MYO5A: variants seen among roughly 807,000 people sequenced by gnomAD.
MYO5A encodes the protein unconventional myosin-Va.
In MYO5A, 98 loss-of-function variants were observed where a neutral mutation model predicts 249.7. That is an observed-to-expected ratio of 0.39 (90% CI 0.33 to 0.46). The LOEUF (loss-of-function observed/expected upper bound fraction) is 0.46. Among genes scored for constraint, MYO5A ranks in the 20% least tolerant of loss-of-function variants. The pLI, the probability that MYO5A is intolerant of heterozygous loss-of-function variation, is 0.98. For synonymous variants in MYO5A, 778 were observed against 810.6 expected (o/e 0.96, Z 0.68); for missense variants, 1,696 against 2,308.8 (o/e 0.73, Z 5.44).
In MYO5A at chr15:52,367,056, G is replaced by A. The variant is rs1466695272; in HGVS notation, c.3135C>T (p.Ile1045=). ...CTGTCATCTCCTTAGCCTGCTGCAC[G>A]ATGCGGTGATTGAGGGCTTCTTTTT... ...KQEKEALNHR[I]VQQAKEMTET... Residue 1045 remains isoleucine (I), a synonymous_variant, in exon 23 of 42, where the codon ATC becomes ATT. Coordinates refer to ENST00000399233, the MANE Select transcript of MYO5A (RefSeq NM_001382347.1). The A allele has an allele frequency of 3.7e-6, 6 of 1,613,688 alleles. No homozygotes were observed. The highest frequency in any genetic ancestry group is 5.1e-6 in the Non-Finnish European group (6 of 1,179,756).
intron 18 of MYO5A, among the ~76,000 whole-genome samples, chr15:52,377,462 A>G (rs2041478803): frequency 6.6e-6 from 1 of 152,086 alleles, no homozygotes; most frequent in African/African-American, 2.4e-5. Flanking sequence ...CAAAAACATA[A>G]TAATTTATAT....
chr15:52,425,535 T>C (rs1476462331), intron 4 of MYO5A, among the ~76,000 whole-genome samples: 1 of 152,132 alleles, frequency 6.6e-6, no homozygotes, highest in African/African-American at 2.4e-5. Context: ...AATTTTTGCA[T>C]TTTTAGTAGA....
rs1252309804 is a variant in MYO5A at position 52,407,334 on chromosome 15, C to T, written c.904G>A (p.Ala302Thr). The T allele has an allele frequency of 6.2e-7, 1 of 1,613,736 alleles. No individual in the cohort carries two copies. ...GSPVIEGVDD[A>T]KEMAHTRQAC... ...TGCCTAGTATGTGCCATCTCCTTTG[C>T]ATCATCCACTCCTTCAATCACAGGA... The change falls in exon 8 of 42, where the codon GCA becomes ACA. Residue 302 changes from alanine (A) to threonine (T), a missense_variant. Ala to Thr is a moderately conservative substitution (Grantham distance 58). Transcript: ENST00000399233.
Position 52,433,159 on chromosome 15 carries a change from G to C in MYO5A, c.138+16C>G. ...TCACTTTATGCCAATGACAACAAATGAAAGTGAGATCTCACCTTTCCTTCC... is the reference window on the plus strand; with the variant it reads ...TCACTTTATGCCAATGACAACAAATCAAAGTGAGATCTCACCTTTCCTTCC... On this transcript the variant is annotated intron_variant, in intron 2 of 41. Transcript: ENST00000399233. 6.5e-7 allele frequency: 1 copy of C among 1,535,202 alleles called. No individual in the cohort carries two copies. The highest frequency in any genetic ancestry group is 9.0e-7 in the Non-Finnish European group (1 of 1,108,476).
At chr15:52,438,403 T>G (rs1349413846) in intron 1 of MYO5A, among the ~76,000 whole-genome samples, 1 of 152,128 alleles carries the variant, frequency 6.6e-6, no homozygotes, top group Non-Finnish European at 1.5e-5. Context: ...AAGGCCCTCC[T>G]GGTGAAAAAG....
rs569433711 is a variant in MYO5A, at chr15:52,526,384, A to T, written c.27+2396T>A. Among the ~76,000 whole-genome samples, 157 of 151,776 alleles carry T rather than the reference A, an allele frequency of 1.0e-3. 1 individual carries two copies. The highest frequency in any genetic ancestry group is 3.3e-3 in the African/African-American group (137 of 41,384). ...CTAATTTTTATTTATTTATTTATTT[A>T]TTTTTTGAGACAGAGTTTCGCTCTT... On this transcript the variant is annotated intron_variant, in intron 1 of 41. Coordinates refer to ENST00000399233, the MANE Select transcript of MYO5A (RefSeq NM_001382347.1).
intron 4 of MYO5A, 108 bp from the exon 5 acceptor site, chr15:52,416,409 T>G (rs1035814428): frequency 1.6e-6 from 2 of 1,252,226 alleles, no homozygotes; most frequent in East Asian, 5.1e-5. Context: ...AATGGATTTT[T>G]TGGTCGATAC....
At chr15:52,429,285 G>A (rs138032163) in intron 2 of MYO5A, among the ~76,000 whole-genome samples, 151 of 152,270 alleles carry the variant, frequency 9.9e-4, no homozygotes, top group Non-Finnish European at 1.9e-3. Context: ...CGGACACAGT[G>A]GCTCACACCT....
At chr15:52,402,906 C>T (rs2042826296) in intron 9 of MYO5A, among the ~76,000 whole-genome samples, 1 of 152,006 alleles carries the variant, frequency 6.6e-6, no homozygotes, top group Non-Finnish European at 1.5e-5. Context: ...AACTTAATCT[C>T]CACCTACCCC....
intron 1 of MYO5A, among the ~76,000 whole-genome samples, chr15:52,490,380 T>C (rs980819926): frequency 2.6e-5 from 4 of 152,164 alleles, no homozygotes; most frequent in African/African-American, 7.2e-5. Flanking sequence ...ATGTGGTGTA[T>C]TTACTCAAAA....
intron 1 of MYO5A, among the ~76,000 whole-genome samples, chr15:52,471,244 C>T (rs1208374747): frequency 6.6e-6 from 1 of 152,106 alleles, no homozygotes; most frequent in Non-Finnish European, 1.5e-5. Context: ...ACTCAATTCT[C>T]TTCCTTACTA....
rs2038339339 is a variant in MYO5A, at chr15:52,321,856, A to T, written c.4801-347T>A. Among the ~76,000 whole-genome samples, 3 of 152,086 alleles carry T rather than the reference A, an allele frequency of 2.0e-5. No homozygotes were observed. In the South Asian group the frequency reaches 6.2e-4, roughly 32 times the overall value. On this transcript the variant is annotated intron_variant, in intron 37 of 41. Coordinates refer to ENST00000399233, the MANE Select transcript of MYO5A (RefSeq NM_001382347.1). ...TCTGAAACAGCAGGTTTACTGTCAAACACTAAATTATCTAAATTATCTCTT... is the reference window on the plus strand; with the variant it reads ...TCTGAAACAGCAGGTTTACTGTCAATCACTAAATTATCTAAATTATCTCTT...
intron 16 of MYO5A, among the ~76,000 whole-genome samples, chr15:52,381,651 G>A (rs957699131): frequency 6.6e-6 from 1 of 152,128 alleles, no homozygotes; most frequent in African/African-American, 2.4e-5. Context: ...ATACTCTGTA[G>A]CCATTATATG....
chr15:52,402,203 C>T (rs1223421849), intron 9 of MYO5A, among the ~76,000 whole-genome samples: 2 of 152,180 alleles, frequency 1.3e-5, no homozygotes, highest in African/African-American at 4.8e-5. Flanking sequence ...TGAGACCTTC[C>T]AGGAACTATG....
chr15:52,477,313 T>C (rs1468599150), intron 1 of MYO5A, among the ~76,000 whole-genome samples: 3 of 152,230 alleles, frequency 2.0e-5, no homozygotes, highest in Non-Finnish European at 4.4e-5. Context: ...TTTAAGGTTC[T>C]TGGCTTCTTT....
intron 1 of MYO5A, among the ~76,000 whole-genome samples, chr15:52,436,320 G>C (rs960267804): frequency 6.6e-6 from 1 of 152,092 alleles, no homozygotes; most frequent in Admixed American, 6.5e-5. Context: ...CCTCTAAGCC[G>C]GCACTATGCA....
chr15:52,487,723 CA>C (rs57515007), intron 1 of MYO5A, among the ~76,000 whole-genome samples: 19,870 of 87,334 alleles, frequency 0.23, 1,253 homozygotes, highest in Middle Eastern at 0.33. Flanking sequence ...GACTCTGTCT[CA>C]AAAAAAAAAA....
chr15:52,375,554 A>G, intron 19 of MYO5A, 94 bp from the exon 20 acceptor site: 5 of 1,269,842 alleles, frequency 3.9e-6, no homozygotes, highest in Non-Finnish European at 5.6e-6. Context: ...TGTTTTAGGC[A>G]TAAATAGTAC....
chr15:52,504,197 T>C (rs1342957760), intron 1 of MYO5A, among the ~76,000 whole-genome samples: 1 of 151,974 alleles, frequency 6.6e-6, no homozygotes, highest in Admixed American at 6.6e-5. Flanking sequence ...TACACACTCA[T>C]CCTTTAATTG....
Sources: gnomAD v4.1 joint callset for allele counts (sites outside exome capture counted in the v4.1 genomes callset) on GRCh38, gnomAD v4.1.1 for gene constraint, MANE v1.5 for transcripts, NCBI Gene and HGNC (gene_info 2026-07-23, HGNC 2026-07-21) for gene names.